The following ZSWIM5 variants were observed in gnomAD, a reference collection of about 807,000 sequenced individuals.
The protein encoded by ZSWIM5 is zinc finger SWIM domain-containing protein 5.
In ZSWIM5, 55 loss-of-function variants were observed where a neutral mutation model predicts 119.6. The observed-to-expected ratio is 0.46, with a 90% confidence interval of 0.37 to 0.58. The LOEUF is 0.58. Ranked by LOEUF, ZSWIM5 falls within the 20% of genes least tolerant of loss-of-function variation. ZSWIM5 has a pLI of 0.00. For missense variants in ZSWIM5, 1,193 were observed against 1,512.8 expected (o/e 0.79, Z 3.51); for synonymous variants, 537 against 606.9 (o/e 0.88, Z 1.69).
rs144148934 is a variant in ZSWIM5 at position 45,152,361 on chromosome 1, T to A, written c.595+53395A>T. Among the ~76,000 whole-genome samples the A allele has an allele frequency of 7.3e-3, 1,106 of 152,290 alleles. 12 individuals are homozygous for A. Among genetic ancestry groups the A allele is most frequent in the African/African-American group, 0.026 (1,071 of 41,546 alleles). Reference sequence around the variant, plus strand: ...GTTTGGCCAAGGTGGTGGTGGCAGATAAGTTTTACATTGGTTCAAGAGATA... The same window carrying A: ...GTTTGGCCAAGGTGGTGGTGGCAGAAAAGTTTTACATTGGTTCAAGAGATA... On this transcript the variant is annotated intron_variant, in intron 1 of 13. Transcript: ENST00000359600.
chr1:45,126,322 C>G (rs1273751134), intron 1 of ZSWIM5, among the ~76,000 whole-genome samples: 3 of 151,624 alleles, frequency 2.0e-5, no homozygotes, highest in African/African-American at 7.3e-5. Context: ...AGACACAATA[C>G]CAACATGAGG....
chr1:45,199,511 G>C (rs1646146961), intron 1 of ZSWIM5, among the ~76,000 whole-genome samples: 1 of 152,070 alleles, frequency 6.6e-6, no homozygotes, highest in Non-Finnish European at 1.5e-5. Context: ...ATGTTGGCCA[G>C]GATGGTCTTG....
chr1:45,123,340 A>G (rs982206934), intron 1 of ZSWIM5, among the ~76,000 whole-genome samples: 1 of 131,634 alleles, frequency 7.6e-6, no homozygotes, highest in African/African-American at 3.4e-5. Context: ...CCATTATAAA[A>G]ACATTTTCAA....
intron 5 of ZSWIM5, among the ~76,000 whole-genome samples, chr1:45,044,723 CAAAAAAAAAA>C (rs869224710): frequency 0.013 from 57 of 4,400 alleles, 10 homozygotes; most frequent in South Asian, 0.037. Context: ...GACTCCGTCT[CAAAAAAAAAA>C]AAAAAAAAAA....
intron 1 of ZSWIM5, among the ~76,000 whole-genome samples, chr1:45,134,570 C>T (rs533401093): frequency 6.6e-6 from 1 of 152,122 alleles, no homozygotes; most frequent in Non-Finnish European, 1.5e-5. Context: ...GAGCAGAGTT[C>T]AAGAGAAAAT....
In ZSWIM5 at chr1:45,060,340, A is replaced by G. The variant is rs1645145500; in HGVS notation, c.953-93T>C. 7.4e-6 allele frequency: 10 copies of G among 1,348,298 alleles called. No homozygotes were observed. In the South Asian group the frequency reaches 1.2e-4, roughly 16 times the overall value. 83.5% of individuals were successfully genotyped at this position (1,348,298 alleles called of 1,614,324 possible). On this transcript the variant is annotated intron_variant, in intron 2 of 13. Coordinates refer to ENST00000359600, the MANE Select transcript of ZSWIM5 (RefSeq NM_020883.2). ...ACTTTGTGAGCATATTCAAACAGAG[A>G]TGGGTCATTCTGCTTTAATATGGGT...
In ZSWIM5 at chr1:45,058,633, A is replaced by G. The variant is rs546087330; in HGVS notation, c.1228T>C (p.Cys410Arg). 2 of 1,614,240 alleles carry G rather than the reference A, an allele frequency of 1.2e-6. No individual in the cohort carries two copies. Among genetic ancestry groups the G allele is most frequent in the South Asian group, 2.2e-5 (2 of 91,080 alleles). The change falls in exon 4 of 14, where the codon TGC becomes CGC. Residue 410 changes from cysteine to arginine, a missense_variant. This residue lies in a region of ZSWIM5 where 961 missense variants were observed against 1,290.0 expected (regional missense o/e 0.74). Transcript: ENST00000359600. ...CCTAGCTCATCCCAGAGCTGCCTGC[A>G]CTTGTCTGTCATGTTTGTTCCTTGC... ...RQQGTNMTDK[C>R]RQLWDELGAL...
chr1:45,204,212 C>T (rs909279634), intron 1 of ZSWIM5, among the ~76,000 whole-genome samples: 2 of 152,044 alleles, frequency 1.3e-5, no homozygotes, highest in Admixed American at 1.3e-4. Flanking sequence ...AAAATGACCA[C>T]TTAAATTGAT....
intron 1 of ZSWIM5, among the ~76,000 whole-genome samples, chr1:45,128,249 TAGTC>T (rs1163617499): frequency 1.3e-5 from 2 of 152,282 alleles, no homozygotes; most frequent in East Asian, 3.9e-4. Context: ...GACACTGTCT[TAGTC>T]TGTCATCACA....
rs149321998 is a variant in ZSWIM5, at chr1:45,206,458, G to T, written c.-108C>A. On this transcript the variant is annotated 5_prime_UTR_variant, in exon 1 of 14. Coordinates refer to ENST00000359600, the MANE Select transcript of ZSWIM5 (RefSeq NM_020883.2). Reference sequence around the variant, plus strand: ...GCAAGCGCCCAGCGGTGGCGCCGAGGGGGGCGGGGCGAGAGAACCCGCGAG... The same window carrying T: ...GCAAGCGCCCAGCGGTGGCGCCGAGTGGGGCGGGGCGAGAGAACCCGCGAG... The T allele has an allele frequency of 1.8e-5, 22 of 1,214,384 alleles. No individual in the cohort carries two copies. The East Asian group carries it at 2.3e-4, about 13-fold the overall frequency. The allele number at this position is 1,214,384 out of a possible 1,614,324, so 75.2% of individuals were successfully genotyped here. A position where few individuals can be genotyped will look rare whatever the true frequency, so the allele number is the denominator to read the frequency against.
intron 1 of ZSWIM5, among the ~76,000 whole-genome samples, chr1:45,099,076 C>T (rs901084773): frequency 1.6e-4 from 24 of 152,048 alleles, no homozygotes; most frequent in African/African-American, 5.1e-4. Flanking sequence ...GACAGTGACA[C>T]AAAAAACCCT....
At chr1:45,061,316 T>C (rs1054136824) in intron 2 of ZSWIM5, among the ~76,000 whole-genome samples, 2 of 152,104 alleles carry the variant, frequency 1.3e-5, no homozygotes, top group East Asian at 3.8e-4. Flanking sequence ...AAATTTTAAC[T>C]GACAAATAAT....
chr1:45,042,097 T>C (rs1557745180), intron 6 of ZSWIM5, among the ~76,000 whole-genome samples: 1 of 152,212 alleles, frequency 6.6e-6, no homozygotes, highest in African/African-American at 2.4e-5. Context: ...CCCTTAGCTA[T>C]ATGCATATCC....
At chr1:45,085,976 C>T (rs931425475) in intron 2 of ZSWIM5, among the ~76,000 whole-genome samples, 3 of 152,108 alleles carry the variant, frequency 2.0e-5, no homozygotes, top group Admixed American at 2.0e-4. Flanking sequence ...TTGGTACATT[C>T]TTGCACTGCT....
chr1:45,025,657 T>C (rs989663985), intron 11 of ZSWIM5, among the ~76,000 whole-genome samples: 24 of 152,338 alleles, frequency 1.6e-4, no homozygotes, highest in South Asian at 1.0e-3. Flanking sequence ...TTTTGTATAT[T>C]AATCTTATAT....
intron 1 of ZSWIM5, among the ~76,000 whole-genome samples, chr1:45,151,914 T>C (rs960776487): frequency 6.6e-6 from 1 of 152,218 alleles, no homozygotes; most frequent in African/African-American, 2.4e-5. Flanking sequence ...ATCTCCACCT[T>C]GGCACATAAT....
chr1:45,114,000 C>T (rs79374481), intron 1 of ZSWIM5, among the ~76,000 whole-genome samples: 3,144 of 152,316 alleles, frequency 0.021, 117 homozygotes, highest in African/African-American at 0.072. Context: ...TAGAAACTAT[C>T]TGTTCATTCA....
intron 1 of ZSWIM5, among the ~76,000 whole-genome samples, chr1:45,202,788 G>T (rs1557798325): frequency 6.6e-6 from 1 of 151,944 alleles, no homozygotes; most frequent in Non-Finnish European, 1.5e-5. Flanking sequence ...GCTTCTTTAA[G>T]TTTTACCAAA....
chr1:45,034,622 A>G (rs6671633), intron 10 of ZSWIM5, among the ~76,000 whole-genome samples, 153 bp from the exon 11 acceptor site: 90,301 of 152,078 alleles, frequency 0.59, 28,047 homozygotes, highest in Middle Eastern at 0.76. Context: ...ACTATACACT[A>G]TATGAGGTGA....
Sources: allele counts gnomAD v4.1 joint callset (sites outside exome capture counted in the v4.1 genomes callset), GRCh38; gene constraint gnomAD v4.1.1; regional missense constraint gnomAD v4.1.1; transcripts MANE v1.5; gene names NCBI Gene and HGNC (gene_info 2026-07-23, HGNC 2026-07-21).